KCNK12: variants seen among roughly 807,000 people sequenced by gnomAD.
The protein encoded by KCNK12 is potassium channel subfamily K member 12.
In KCNK12, 6 loss-of-function variants were observed where a neutral mutation model predicts 25.3. The ratio of observed to expected loss-of-function variants is 0.24; its 90% confidence interval spans 0.13 to 0.47. KCNK12 has a LOEUF of 0.47. Among genes scored for constraint, KCNK12 ranks in the 20% least tolerant of loss-of-function variants. The pLI is 0.99. For synonymous variants in KCNK12, 331 were observed against 311.1 expected, an observed-to-expected ratio of 1.06 and a Z score of -0.67; for missense variants, 444 against 661.7, an observed-to-expected ratio of 0.67 and a Z score of 3.61.
chr2:47,553,474 A>T (rs1374816078), intron 1 of KCNK12, among the ~76,000 whole-genome samples: 2 of 152,156 alleles, frequency 1.3e-5, no homozygotes, highest in Non-Finnish European at 2.9e-5. Context: ...TAAGCTCTTG[A>T]TAAAGTGAGG....
Position 47,562,142 on chromosome 2 carries a change from C to G in KCNK12, c.391+7799G>C. 1 of 398,656 alleles carries G rather than the reference C, an allele frequency of 2.5e-6. No homozygotes were observed. Among genetic ancestry groups the G allele is most frequent in the African/African-American group, 2.1e-5 (1 of 48,756 alleles). The allele number at this position is 398,656 out of a possible 1,614,324, so 24.7% of individuals were successfully genotyped here. A position where few individuals can be genotyped will look rare whatever the true frequency, so the allele number is the denominator to read the frequency against. On this transcript the variant is annotated intron_variant, in intron 1 of 1. Coordinates refer to ENST00000327876, the MANE Select transcript of KCNK12 (RefSeq NM_022055.2). This position sits in a 1 kb window ranked among gnomAD's most constrained non-coding sequence, Gnocchi z 4.8. ...GCCAGGAGCTCATGAGGAATGCAGACTGTCAGGTCCCACCCCAGACCTACT... is the reference window on the plus strand; with the variant it reads ...GCCAGGAGCTCATGAGGAATGCAGAGTGTCAGGTCCCACCCCAGACCTACT...
chr2:47,532,662 ACCT>A (rs1305503488), intron 1 of KCNK12, among the ~76,000 whole-genome samples: 1 of 152,152 alleles, frequency 6.6e-6, no homozygotes, highest in Non-Finnish European at 1.5e-5. Context: ...CATTGGGAGC[ACCT>A]CCTAGCCACC....
chr2:47,569,798 A>G lies in KCNK12; in HGVS notation c.391+143T>C. 1.6e-6 allele frequency: 1 copy of G among 633,282 alleles called. No individual in the cohort carries two copies. The highest frequency in any genetic ancestry group is 2.3e-6 in the Non-Finnish European group (1 of 432,666). The allele number at this position is 633,282 out of a possible 1,614,324, so 39.2% of individuals were successfully genotyped here. On this transcript the variant is annotated intron_variant, in intron 1 of 1. Coordinates refer to ENST00000327876, the MANE Select transcript of KCNK12 (RefSeq NM_022055.2). This position sits in a 1 kb window ranked among gnomAD's most constrained non-coding sequence, Gnocchi z 4.1. The stretch of plus-strand genomic sequence containing the variant: ...AGAGAGAGAGAACGGGGGCCGGCGG[A>G]GAAGAGGGCGAGACGAAAGTAAGCA...
At chr2:47,544,776 A>C (rs1424171460) in intron 1 of KCNK12, among the ~76,000 whole-genome samples, 2 of 152,206 alleles carry the variant, frequency 1.3e-5, no homozygotes. Flanking sequence ...ATGCAGTTGC[A>C]CTTATAACAA....
Position 47,520,545 on chromosome 2 carries a change from T to C in KCNK12, c.*362A>G, listed in dbSNP as rs1668628653. ...TTCAGAGCCACGAAAAGTTGCACCATATGCTTTGGGGTTGCCGGCTGCTTC... is the reference window on the plus strand; with the variant it reads ...TTCAGAGCCACGAAAAGTTGCACCACATGCTTTGGGGTTGCCGGCTGCTTC... On this transcript the variant is annotated 3_prime_UTR_variant, in exon 2 of 2. Coordinates refer to ENST00000327876, the MANE Select transcript of KCNK12 (RefSeq NM_022055.2). The surrounding 1 kb of genome is among the most constrained non-coding windows in gnomAD (Gnocchi z 5.0). 1 of 192,900 alleles carries C rather than the reference T, an allele frequency of 5.2e-6. No individual in the cohort carries two copies. The highest frequency in any genetic ancestry group is 2.3e-5 in the African/African-American group (1 of 43,202). The allele number at this position is 192,900 out of a possible 1,614,324, so 11.9% of individuals were successfully genotyped here.
intron 1 of KCNK12, 66 bp from the exon 2 acceptor site, chr2:47,521,874 G>A: frequency 7.8e-7 from 1 of 1,283,090 alleles, no homozygotes; most frequent in Non-Finnish European, 1.0e-6. Flanking sequence ...GGCGAGGGTG[G>A]GGGGTGTGGG....
In KCNK12 at chr2:47,556,979, TAGATG is replaced by T; in HGVS notation, c.391+12957_391+12961del. Among the ~76,000 whole-genome samples the T allele has an allele frequency of 6.6e-6, 1 of 152,110 alleles. No individual in the cohort carries two copies. The highest frequency in any genetic ancestry group is 1.5e-5 in the Non-Finnish European group (1 of 68,012). ...GGTGGGATGGAAAGAAATATGGTTA[TAGATG>T]AGATGGTTAAGGAGCCCAGTTCTTG... On this transcript the variant is annotated intron_variant, in intron 1 of 1. Transcript: ENST00000327876. This position sits in a 1 kb window ranked among gnomAD's most constrained non-coding sequence, Gnocchi z 4.8.
intron 1 of KCNK12, among the ~76,000 whole-genome samples, chr2:47,561,049 C>T (rs961113185): frequency 2.6e-5 from 4 of 152,198 alleles, no homozygotes; most frequent in Non-Finnish European, 4.4e-5. Context: ...GACCTTCACC[C>T]AGCAGCCATG....
chr2:47,541,284 T>C (rs568407474), intron 1 of KCNK12, among the ~76,000 whole-genome samples: 15 of 152,368 alleles, frequency 9.8e-5, no homozygotes, highest in African/African-American at 3.6e-4. Flanking sequence ...TCCTGCACTC[T>C]TAGAGTTTGT....
chr2:47,545,592 A>G (rs1268067643), intron 1 of KCNK12, among the ~76,000 whole-genome samples: 1 of 152,190 alleles, frequency 6.6e-6, no homozygotes, highest in African/African-American at 2.4e-5. Flanking sequence ...GGAGTCAGGG[A>G]CACCTGGGCT....
In KCNK12 at chr2:47,562,754, A is replaced by T. The variant is rs1669706708; in HGVS notation, c.391+7187T>A. The T allele has an allele frequency of 4.3e-6, 1 of 233,270 alleles. No homozygotes were observed. The highest frequency in any genetic ancestry group is 8.5e-6 in the Non-Finnish European group (1 of 118,076). The allele number at this position is 233,270 out of a possible 1,614,324, so 14.5% of individuals were successfully genotyped here. On this transcript the variant is annotated intron_variant, in intron 1 of 1. Coordinates refer to ENST00000327876, the MANE Select transcript of KCNK12 (RefSeq NM_022055.2). This position sits in a 1 kb window ranked among gnomAD's most constrained non-coding sequence, Gnocchi z 4.8. ...TCCTGGAAACTGCTGTGCTTCCTGC[A>T]GTTTCAAGCCCCTCCACCCCCTGTT...
At chr2:47,563,009 C>A (rs1171958398) in intron 1 of KCNK12, 1 of 233,500 alleles carries the variant, frequency 4.3e-6, no homozygotes, top group Non-Finnish European at 8.5e-6. Context: ...GACTCCAGAG[C>A]TGGGGGTGAC....
chr2:47,543,987 G>C (rs1028361901), intron 1 of KCNK12, among the ~76,000 whole-genome samples: 7 of 152,190 alleles, frequency 4.6e-5, no homozygotes, highest in African/African-American at 1.4e-4. Context: ...GGGACTCCCA[G>C]ATGTGGGGAT....
At chr2:47,546,893 C>A (rs902848240) in intron 1 of KCNK12, among the ~76,000 whole-genome samples, 11 of 151,814 alleles carry the variant, frequency 7.2e-5, no homozygotes, top group African/African-American at 2.4e-4. Flanking sequence ...GGTGGAGAAA[C>A]CCACAGCTCA....
chr2:47,532,429 T>C (rs1668953965), intron 1 of KCNK12, among the ~76,000 whole-genome samples: 1 of 152,044 alleles, frequency 6.6e-6, no homozygotes, highest in Non-Finnish European at 1.5e-5. Flanking sequence ...TGGTATGATC[T>C]TAGTTCACTG....
chr2:47,521,878 G>T (rs891873867), intron 1 of KCNK12, 70 bp from the exon 2 acceptor site: 3 of 1,236,840 alleles, frequency 2.4e-6, no homozygotes, highest in Admixed American at 3.4e-5. Context: ...AGGGTGGGGG[G>T]TGTGGGGGCG....
At position 47,570,185 on chromosome 2, in the gene KCNK12, G is replaced by C; in HGVS notation, c.147C>G (p.Tyr49Ter). ...AGAAGACTGTGGCACCCGCCACCAG[G>C]TAGAGGCCGATGAGCGCCGCCAGCA... is the stretch of plus-strand genomic sequence containing the variant. ...FVLLAALIGLYLVAGATVFSA... is the reference protein window; with the variant it reads ...FVLLAALIGL The change falls in exon 1 of 2, where the codon TAC becomes TAG. Residue 49 changes from tyrosine to a stop codon, truncating the protein, a stop_gained. Coordinates refer to ENST00000327876, the MANE Select transcript of KCNK12 (RefSeq NM_022055.2). LOFTEE classifies it high-confidence loss of function. 6.7e-7 allele frequency: 1 copy of C among 1,494,312 alleles called. No individual in the cohort carries two copies. Among genetic ancestry groups the C allele is most frequent in the Non-Finnish European group, 8.9e-7 (1 of 1,126,044 alleles). 92.6% of individuals were successfully genotyped at this position (1,494,312 alleles called of 1,614,324 possible). A position where few individuals can be genotyped will look rare whatever the true frequency, so the allele number is the denominator to read the frequency against.
rs777164229 is a variant in KCNK12 at position 47,551,561 on chromosome 2, G to A, written c.391+18380C>T. Among the ~76,000 whole-genome samples, 2 of 152,152 alleles carry A rather than the reference G, an allele frequency of 1.3e-5. No homozygotes were observed. Among genetic ancestry groups the A allele is most frequent in the Non-Finnish European group, 2.9e-5 (2 of 68,026 alleles). On this transcript the variant is annotated intron_variant, in intron 1 of 1. Coordinates refer to ENST00000327876, the MANE Select transcript of KCNK12 (RefSeq NM_022055.2). This position sits in a 1 kb window ranked among gnomAD's most constrained non-coding sequence, Gnocchi z 5.3. Reference sequence around the variant, plus strand: ...ATAGTGGAGCGCTCAAGAAATATTTGTTGAATAAATGGATCAATGGGAATC... The same window carrying A: ...ATAGTGGAGCGCTCAAGAAATATTTATTGAATAAATGGATCAATGGGAATC...
At chr2:47,549,548 A>G (rs1669381394) in intron 1 of KCNK12, among the ~76,000 whole-genome samples, 1 of 152,262 alleles carries the variant, frequency 6.6e-6, no homozygotes. Flanking sequence ...TACCTGTTAA[A>G]ATATGTAAAA....
Sources: gnomAD v4.1 joint callset for allele counts (sites outside exome capture counted in the v4.1 genomes callset) on GRCh38, gnomAD v4.1.1 for gene constraint, Gnocchi (gnomAD v3.1) non-coding constraint, MANE v1.5 for transcripts, NCBI Gene and HGNC (gene_info 2026-07-23, HGNC 2026-07-21) for gene names.